SF3A2: variants seen among roughly 807,000 people sequenced by gnomAD.
SF3A2 encodes SAP 62.
Under a neutral mutation model 31.1 loss-of-function variants are expected in SF3A2, and 5 were observed. The ratio of observed to expected loss-of-function variants is 0.16; its 90% CI spans 0.08 to 0.34. The LOEUF (loss-of-function observed/expected upper bound fraction) is 0.34, where lower values mean the gene tolerates loss of function less well. Ranked by LOEUF, SF3A2 falls within the 10% of genes least tolerant of loss-of-function variation. The pLI is 1.00. For synonymous variants in SF3A2, 365 were observed against 263.7 expected, an observed-to-expected ratio of 1.38 and a Z score of -3.72; for missense variants, 577 against 643.9, an observed-to-expected ratio of 0.90 and a Z score of 1.13.
chr19:2,243,660 G>A (rs893490323), intron 2 of SF3A2, 116 bp downstream of exon 2: 40 of 1,208,708 alleles, frequency 3.3e-5, no homozygotes, highest in East Asian at 1.9e-4. Flanking sequence ...ATGCAGCCCC[G>A]TGTCCAGACG....
Position 2,247,955 on chromosome 19 carries a change from G to A in SF3A2, c.804G>A (p.Gly268=). ...GLPLPPMPPT[G]PAPSGPPGPP... Reference sequence around the variant, plus strand: ...CTCTGCCACCCATGCCCCCCACAGGGCCTGCGCCCTCAGGGCCCCCGGGAC... The same window carrying A: ...CTCTGCCACCCATGCCCCCCACAGGACCTGCGCCCTCAGGGCCCCCGGGAC... Residue 268 remains glycine, a synonymous_variant, in exon 9 of 9, where the codon GGG becomes GGA. Coordinates refer to ENST00000221494, the MANE Select transcript of SF3A2 (RefSeq NM_007165.5). 2.2e-6 allele frequency: 3 copies of A among 1,354,570 alleles called. No homozygotes were observed. The highest frequency in any genetic ancestry group is 3.1e-6 in the Non-Finnish European group (3 of 971,762). 83.9% of individuals were successfully genotyped at this position (1,354,570 alleles called of 1,614,324 possible).
Position 2,248,403 on chromosome 19 carries a change from G to T in SF3A2, c.1252G>T (p.Ala418Ser). 1 of 1,379,812 alleles carries T rather than the reference G, an allele frequency of 7.2e-7. No homozygotes were observed. Among genetic ancestry groups the T allele is most frequent in the Non-Finnish European group, 9.3e-7 (1 of 1,070,706 alleles). 85.5% of individuals were successfully genotyped at this position (1,379,812 alleles called of 1,614,324 possible). A position where few individuals can be genotyped will look rare whatever the true frequency, so the allele number is the denominator to read the frequency against. ...CCAACCTCCCGGGGTCCATCCGTCG[G>T]CTCCTGGGGTCCACCCTCAGCCTCC... Reference protein sequence around the residue: ...HPQPPGVHPSAPGVHPQPPGV... With the variant: ...HPQPPGVHPSSPGVHPQPPGV... Residue 418 changes from alanine to serine, a missense_variant, in exon 9 of 9, where the codon GCT (alanine) becomes TCT (serine). This residue lies in a region of SF3A2 where 462 missense variants were observed against 339.1 expected (regional missense o/e 1.36). Transcript: ENST00000221494.
At position 2,244,527 on chromosome 19, in the gene SF3A2, C is replaced by G. The variant is rs753822278; in HGVS notation, c.127-17C>G. The G allele has an allele frequency of 2.5e-6, 4 of 1,609,906 alleles. No individual in the cohort carries two copies. In the South Asian group the frequency reaches 4.4e-5, roughly 18 times the overall value. ...CCGCGATCTTCTGTCTAACGGGCCCCTGTTCTTCCCCTCCAGGACCCGTAC... is the reference window on the plus strand; with the variant it reads ...CCGCGATCTTCTGTCTAACGGGCCCGTGTTCTTCCCCTCCAGGACCCGTAC... On this transcript the variant is annotated splice_polypyrimidine_tract_variant and intron_variant, in intron 2 of 8. Transcript: ENST00000221494.
Position 2,248,292 on chromosome 19 carries a change from C to A in SF3A2, c.1141C>A (p.Pro381Thr). Residue 381 changes from proline (P) to threonine (T), a missense_variant, in exon 9 of 9, where the codon CCA becomes ACA. Around this residue, in one of 6 missense-constraint regions of SF3A2, gnomAD observed 462 missense variants for 339.1 expected, o/e 1.36. Transcript: ENST00000221494. ...GVHPQAPGVHPAAPAVHPQAP... is the reference protein window; with the variant it reads ...GVHPQAPGVHTAAPAVHPQAP... ...TCACCCCCAGGCCCCGGGGGTGCAC[C>A]CAGCAGCCCCCGCCGTTCACCCTCA... The A allele has an allele frequency of 7.1e-7, 1 of 1,399,220 alleles. No individual in the cohort carries two copies. Among genetic ancestry groups the A allele is most frequent in the Non-Finnish European group, 9.3e-7 (1 of 1,077,790 alleles). 86.7% of individuals were successfully genotyped at this position (1,399,220 alleles called of 1,614,324 possible).
In SF3A2 at chr19:2,245,758, A is replaced by C. The variant is rs1599653602; in HGVS notation, c.355+203A>C. The C allele has an allele frequency of 1.7e-6, 1 of 579,386 alleles. No homozygotes were observed. The allele number at this position is 579,386 out of a possible 1,614,324, so 35.9% of individuals were successfully genotyped here. A position where few individuals can be genotyped will look rare whatever the true frequency, so the allele number is the denominator to read the frequency against. On this transcript the variant is annotated intron_variant, in intron 5 of 8. Coordinates refer to ENST00000221494, the MANE Select transcript of SF3A2 (RefSeq NM_007165.5). The surrounding 1 kb of genome is among the most constrained non-coding windows in gnomAD (Gnocchi z 4.2). ...GCTGGGCCCGATAAGCACCCATCTCACCCAGCAGCCCATTTCCCAGCTGAG... is the reference window on the plus strand; with the variant it reads ...GCTGGGCCCGATAAGCACCCATCTCCCCCAGCAGCCCATTTCCCAGCTGAG...
chr19:2,246,185 G>A lies in SF3A2; in HGVS notation c.356-568G>A, dbSNP rs557400751. Among the ~76,000 whole-genome samples the A allele has an allele frequency of 1.1e-4, 16 of 152,290 alleles. No individual in the cohort carries two copies. The highest frequency in any genetic ancestry group is 3.8e-4 in the African/African-American group (16 of 41,564). On this transcript the variant is annotated intron_variant, in intron 5 of 8. Coordinates refer to ENST00000221494, the MANE Select transcript of SF3A2 (RefSeq NM_007165.5). The surrounding 1 kb of genome is among the most constrained non-coding windows in gnomAD (Gnocchi z 5.5). ...GTGGGCGAGGGTGGCTAGAGCGGCAGGCTCCTGGTGGGGAGGCCCTGACAG... is the reference window on the plus strand; with the variant it reads ...GTGGGCGAGGGTGGCTAGAGCGGCAAGCTCCTGGTGGGGAGGCCCTGACAG...
At chr19:2,247,111 G>T (rs1025232830) in intron 7 of SF3A2, 89 bp downstream of exon 7, 3 of 1,536,396 alleles carry the variant, frequency 2.0e-6, no homozygotes, top group Non-Finnish European at 2.6e-6. Context: ...CCTCCCATCG[G>T]GCTTGGGGTC....
intron 4 of SF3A2, 130 bp downstream of exon 4, chr19:2,244,909 A>C (rs960138422): frequency 1.3e-6 from 1 of 785,356 alleles, no homozygotes; most frequent in African/African-American, 1.7e-5. Context: ...GCGCTTGAGT[A>C]CGGTTCCTGG....
Position 2,247,939 on chromosome 19 carries a change from C to A in SF3A2, c.788C>A (p.Pro263His). ...CCGCCAGGAGGCCTGCCTCTGCCAC[C>A]CATGCCCCCCACAGGGCCTGCGCCC... ...PPPPGGLPLP[P>H]MPPTGPAPSG... The change falls in exon 9 of 9, where the codon CCC becomes CAC. Residue 263 changes from proline to histidine, a missense_variant. Pro to His is a moderately conservative substitution (Grantham distance 77). Coordinates refer to ENST00000221494, the MANE Select transcript of SF3A2 (RefSeq NM_007165.5). 6.7e-7 allele frequency: 1 copy of A among 1,495,638 alleles called. No homozygotes were observed. Among genetic ancestry groups the A allele is most frequent in the Non-Finnish European group, 9.1e-7 (1 of 1,093,718 alleles). The allele number at this position is 1,495,638 out of a possible 1,614,324, so 92.6% of individuals were successfully genotyped here.
At chr19:2,247,447 C>G in intron 7 of SF3A2, 147 bp from the exon 8 acceptor site, 2 of 730,254 alleles carry the variant, frequency 2.7e-6, no homozygotes, top group South Asian at 1.7e-5. Context: ...AGAACTGAAC[C>G]CTGTGCCCCA....
chr19:2,247,876 C>T lies in SF3A2; in HGVS notation c.725C>T (p.Pro242Leu), dbSNP rs777504343. The T allele has an allele frequency of 2.6e-6, 4 of 1,565,548 alleles. No homozygotes were observed. In the Admixed American group the frequency reaches 6.7e-5, roughly 26 times the overall value. The change falls in exon 9 of 9, where the codon CCC becomes CTC. Residue 242 changes from proline (P) to leucine (L), a missense_variant. This residue lies in a region of SF3A2 where 462 missense variants were observed against 339.1 expected (regional missense o/e 1.36). Transcript: ENST00000221494. ...RPPPPLMNGL[P>L]PRPPLPESLP... ...CCACCCCCGCTGATGAACGGTCTGC[C>T]CCCTCGGCCACCGCTGCCTGAGTCT...
intron 3 of SF3A2, 22 bp downstream of exon 3, chr19:2,244,637 G>C (rs764175255): frequency 3.7e-6 from 6 of 1,613,074 alleles, no homozygotes; most frequent in Non-Finnish European, 8.5e-7. Context: ...GCCTGGCTCC[G>C]GGCGGCTCGC....
chr19:2,240,089 C>T (rs1440886513), intron 1 of SF3A2, among the ~76,000 whole-genome samples: 4 of 152,198 alleles, frequency 2.6e-5, no homozygotes, highest in East Asian at 1.9e-4. Flanking sequence ...TGGCAAGGAG[C>T]GGGCCTTTTC....
chr19:2,243,489 G>A lies in SF3A2; in HGVS notation c.71G>A (p.Arg24His), dbSNP rs2024907684. The A allele has an allele frequency of 5.2e-6, 8 of 1,551,550 alleles. No individual in the cohort carries two copies. Among genetic ancestry groups the A allele is most frequent in the Admixed American group, 4.4e-5 (2 of 45,582 alleles). ...GTGGCCTCCTCCTCCGAGAGCAACC[G>A]TGACCGCAGGGAGCGCCTCCGGCAG... ...GGVASSSESNRDRRERLRQLA... is the reference protein window; with the variant it reads ...GGVASSSESNHDRRERLRQLA... Residue 24 changes from arginine (R) to histidine (H), a missense_variant, in exon 2 of 9, where the codon CGT becomes CAT. Transcript: ENST00000221494.
chr19:2,246,949 G>A lies in SF3A2; in HGVS notation c.473G>A (p.Arg158Lys). 1 of 1,609,016 alleles carries A rather than the reference G, an allele frequency of 6.2e-7. No homozygotes were observed. The highest frequency in any genetic ancestry group is 8.5e-7 in the Non-Finnish European group (1 of 1,178,744). Residue 158 changes from arginine to lysine, a missense_variant, in exon 7 of 9, where the codon AGG becomes AAG. Coordinates refer to ENST00000221494, the MANE Select transcript of SF3A2 (RefSeq NM_007165.5). This position sits in a 1 kb window ranked among gnomAD's most constrained non-coding sequence, Gnocchi z 5.5. ...CGCTTCATGTCTGCGTACGAGCAGA[G>A]GATCGAGCCTCCGGACCGGCGCTGG... ...RHRFMSAYEQ[R>K]IEPPDRRWQY...
intron 1 of SF3A2, among the ~76,000 whole-genome samples, chr19:2,241,127 C>T (rs1261396651): frequency 2.6e-5 from 4 of 152,172 alleles, no homozygotes; most frequent in East Asian, 1.9e-4. Context: ...ACAAGCAGGG[C>T]GTTCGCATGC....
At chr19:2,237,428 A>AT (rs936655283) in intron 1 of SF3A2, 18 of 142,506 alleles carry the variant, frequency 1.3e-4, no homozygotes, top group African/African-American at 4.6e-4. Flanking sequence ...AAAAAAAAAA[A>AT]ATTAGCCGGG....
rs1362388908 is a variant in SF3A2 at position 2,248,076 on chromosome 19, C to T, written c.925C>T (p.His309Tyr). ...GGTCCATCCCCCAGCTCCTGGCGTC[C>T]ACCCCCCAGCTCCTGGCGTCCATCC... ...SGVHPPAPGVHPPAPGVHPPA... is the reference protein window; with the variant it reads ...SGVHPPAPGVYPPAPGVHPPA... Residue 309 changes from histidine (H) to tyrosine (Y), a missense_variant, in exon 9 of 9, where the codon CAC becomes TAC. Transcript: ENST00000221494. The T allele has an allele frequency of 1.1e-6, 1 of 923,624 alleles. No individual in the cohort carries two copies. 57.2% of individuals were successfully genotyped at this position (923,624 alleles called of 1,614,324 possible).
At chr19:2,237,858 AC>A (rs2024849240) in intron 1 of SF3A2, 1 of 152,154 alleles carries the variant, frequency 6.6e-6, no homozygotes. Flanking sequence ...GTATCCTTGG[AC>A]GACACCAAAC....
Sources: allele counts gnomAD v4.1 joint callset (sites outside exome capture counted in the v4.1 genomes callset), GRCh38; gene constraint gnomAD v4.1.1; regional missense constraint gnomAD v4.1.1; non-coding constraint Gnocchi (gnomAD v3.1); transcripts MANE v1.5; gene names NCBI Gene and HGNC (gene_info 2026-07-23, HGNC 2026-07-21).